The following SUGCT variants were observed in gnomAD, a reference collection of about 807,000 sequenced individuals.
SUGCT encodes succinyl-CoA:glutarate CoA-transferase.
A neutral mutation model predicts 55.0 loss-of-function variants in SUGCT; 41 were observed. The ratio of observed to expected loss-of-function variants is 0.74; its 90% CI spans 0.58 to 0.97. The LOEUF is 0.97. Among genes scored for constraint, SUGCT ranks in the 50% least tolerant of loss-of-function variants. The pLI is 0.00. For missense variants in SUGCT, 568 were observed against 547.8 expected, an observed-to-expected ratio of 1.04 and a Z score of -0.37; for synonymous variants, 187 against 200.4, an observed-to-expected ratio of 0.93 and a Z score of 0.56.
chr7:40,498,051 C>T (rs111477496), intron 12 of SUGCT, among the ~76,000 whole-genome samples: 4,406 of 152,040 alleles, frequency 0.029, 90 homozygotes, highest in Middle Eastern at 0.048. Context: ...TTAATCTTTG[C>T]ATCTCAATTC....
At chr7:40,171,284 G>C (rs1784658296) in intron 1 of SUGCT, among the ~76,000 whole-genome samples, 1 of 152,200 alleles carries the variant, frequency 6.6e-6, no homozygotes, top group Non-Finnish European at 1.5e-5. Flanking sequence ...TTTTTTGTAA[G>C]TACTGTAAGG....
rs938473722 is a variant in SUGCT at position 40,742,348 on chromosome 7, C to T, written c.1090-7086C>T. On this transcript the variant is annotated intron_variant, in intron 12 of 13. Coordinates refer to ENST00000335693, the MANE Select transcript of SUGCT (RefSeq NM_001193313.2). ...GATCTTCATTATCTAAGTCAGCTGT[C>T]CCCAATCTTTTTGGCACCAGGGCCA... is the stretch of plus-strand genomic sequence containing the variant. Among the ~76,000 whole-genome samples, 5 of 152,286 alleles carry T rather than the reference C, an allele frequency of 3.3e-5. No homozygotes were observed. The East Asian group carries it at 9.6e-4, about 29-fold the overall frequency.
chr7:40,967,473 A>G, the SUGCT span, among the ~76,000 whole-genome samples: 2 of 152,180 alleles, frequency 1.3e-5, no homozygotes, highest in Non-Finnish European at 2.9e-5. Flanking sequence ...AAGCAATTAA[A>G]ATACAATAAC....
chr7:40,424,011 A>G (rs1787451863), intron 9 of SUGCT, among the ~76,000 whole-genome samples: 2 of 152,132 alleles, frequency 1.3e-5, no homozygotes, highest in African/African-American at 4.8e-5. Context: ...ATTTTCAATA[A>G]GAAAAAAAAA....
chr7:40,477,557 T>C (rs935542104), intron 11 of SUGCT, among the ~76,000 whole-genome samples: 2 of 152,200 alleles, frequency 1.3e-5, no homozygotes, highest in African/African-American at 4.8e-5. Flanking sequence ...CCTATGCCTC[T>C]TTTCTGTATA....
intron 13 of SUGCT, among the ~76,000 whole-genome samples, chr7:40,771,193 C>A (rs1376964379): frequency 4.6e-5 from 7 of 152,078 alleles, no homozygotes; most frequent in Admixed American, 3.9e-4. Context: ...CTACACATAG[C>A]AAAACATACT....
At chr7:40,758,223 A>G (rs954587272) in intron 13 of SUGCT, among the ~76,000 whole-genome samples, 1 of 151,738 alleles carries the variant, frequency 6.6e-6, no homozygotes, top group Non-Finnish European at 1.5e-5. Flanking sequence ...TTCCTTCAGC[A>G]TTACCAAGAA....
chr7:40,495,410 T>A (rs960784456), intron 11 of SUGCT, among the ~76,000 whole-genome samples: 18 of 152,148 alleles, frequency 1.2e-4, no homozygotes, highest in Non-Finnish European at 2.5e-4. Flanking sequence ...GCTAATATTT[T>A]AAAAATGTCT....
At chr7:40,949,641 A>G in the SUGCT span, among the ~76,000 whole-genome samples, 3 of 152,206 alleles carry the variant, frequency 2.0e-5, no homozygotes, top group African/African-American at 7.2e-5. Context: ...ATAAGGTGTA[A>G]GGAAGGGATC....
At chr7:40,889,914 G>A in the SUGCT span, among the ~76,000 whole-genome samples, 18 of 152,054 alleles carry the variant, frequency 1.2e-4, no homozygotes, top group African/African-American at 3.9e-4. Context: ...TGTTTTCAAC[G>A]TGATACCTGA....
chr7:40,806,493 T>G (rs1209755309), intron 13 of SUGCT, among the ~76,000 whole-genome samples: 5 of 152,148 alleles, frequency 3.3e-5, no homozygotes, highest in African/African-American at 1.2e-4. Context: ...CTTTTTTACT[T>G]TTTTCCCTAC....
At chr7:40,401,735 G>A (rs2151322939) in intron 9 of SUGCT, among the ~76,000 whole-genome samples, 1 of 152,286 alleles carries the variant, frequency 6.6e-6, no homozygotes, top group South Asian at 2.1e-4. Context: ...CCTCTTCCTA[G>A]AAGGGAAGTT....
At chr7:40,442,056 G>A (rs1260590378) in intron 9 of SUGCT, among the ~76,000 whole-genome samples, 4 of 152,206 alleles carry the variant, frequency 2.6e-5, no homozygotes, top group African/African-American at 4.8e-5. Flanking sequence ...AGGTTTTGAC[G>A]ATAGTGATGT....
intron 12 of SUGCT, among the ~76,000 whole-genome samples, chr7:40,560,703 TA>T (rs1795788438): frequency 6.6e-6 from 1 of 152,244 alleles, no homozygotes; most frequent in African/African-American, 2.4e-5. Flanking sequence ...TTTATTTATT[TA>T]CTTCCAGTGT....
chr7:40,340,975 G>T (rs1193381640), intron 9 of SUGCT, among the ~76,000 whole-genome samples: 2 of 152,204 alleles, frequency 1.3e-5, no homozygotes, highest in Non-Finnish European at 2.9e-5. Flanking sequence ...AGGATGTTCT[G>T]CCTGATTGGC....
chr7:40,840,473 C>CA (rs200374763), intron 13 of SUGCT, among the ~76,000 whole-genome samples: 2,045 of 124,874 alleles, frequency 0.016, 17 homozygotes, highest in African/African-American at 0.027. Flanking sequence ...GAGGAAGACT[C>CA]AAAAAAAAAA....
intron 6 of SUGCT, among the ~76,000 whole-genome samples, chr7:40,211,888 C>G (rs1194125212): frequency 6.6e-6 from 1 of 152,176 alleles, no homozygotes; most frequent in Admixed American, 6.5e-5. Context: ...GGGCACAAGA[C>G]TCACATTCTT....
chr7:40,601,844 C>T (rs188555806), intron 12 of SUGCT, among the ~76,000 whole-genome samples: 3 of 152,044 alleles, frequency 2.0e-5, no homozygotes, highest in African/African-American at 7.3e-5. Context: ...ATTGGACACC[C>T]TTTTTCTAAG....
the SUGCT span, among the ~76,000 whole-genome samples, chr7:40,905,320 C>G: frequency 6.6e-6 from 1 of 152,072 alleles, no homozygotes; most frequent in Non-Finnish European, 1.5e-5. Flanking sequence ...AACATTCTCT[C>G]TTTTGATTAC....
Sources: gnomAD v4.1 joint callset for allele counts (sites outside exome capture counted in the v4.1 genomes callset) on GRCh38, gnomAD v4.1.1 for gene constraint, MANE v1.5 for transcripts, NCBI Gene and HGNC (gene_info 2026-07-23, HGNC 2026-07-21) for gene names.